FAM120A: variants seen among roughly 807,000 people sequenced by gnomAD.
FAM120A encodes the protein constitutive coactivator of PPAR-gamma-like protein 1.
In FAM120A, 15 loss-of-function variants were observed where a neutral mutation model predicts 109.7. That is an observed-to-expected ratio of 0.14 (90% CI 0.09 to 0.21). The LOEUF is 0.21. Ranked by LOEUF, FAM120A falls within the 10% of genes least tolerant of loss-of-function variation. The pLI is 1.00. For synonymous variants in FAM120A, 493 were observed against 572.8 expected (o/e 0.86, Z 1.99); for missense variants, 899 against 1,439.3 (o/e 0.62, Z 6.07).
Position 93,532,141 on chromosome 9 carries a change from T to C in FAM120A, c.1735-14T>C. 6.2e-7 allele frequency: 1 copy of C among 1,612,012 alleles called. No homozygotes were observed. Among genetic ancestry groups the C allele is most frequent in the Non-Finnish European group, 8.5e-7 (1 of 1,178,522 alleles). ...AAAAATGTGCAATGTTATTCTGCTT[T>C]CTTCCATGCAAAGGGTGAAATCAAA... is the stretch of plus-strand genomic sequence containing the variant. On this transcript the variant is annotated splice_polypyrimidine_tract_variant and intron_variant, in intron 9 of 17. Coordinates refer to ENST00000277165, the MANE Select transcript of FAM120A (RefSeq NM_014612.5). This position sits in a 1 kb window ranked among gnomAD's most constrained non-coding sequence, Gnocchi z 4.3.
chr9:93,525,833 T>G (rs1861057470), intron 7 of FAM120A, among the ~76,000 whole-genome samples: 1 of 152,170 alleles, frequency 6.6e-6, no homozygotes, highest in South Asian at 2.1e-4. Context: ...TGAGCAGTGG[T>G]TTCTCCAAGC....
intron 5 of FAM120A, among the ~76,000 whole-genome samples, chr9:93,507,871 A>G (rs1016806642): frequency 6.6e-6 from 1 of 152,286 alleles, no homozygotes; most frequent in Middle Eastern, 3.4e-3. Flanking sequence ...CAGTATAGAA[A>G]TTCGTAGAAG....
intron 5 of FAM120A, among the ~76,000 whole-genome samples, chr9:93,499,562 A>G (rs1859713664): frequency 6.6e-6 from 1 of 152,214 alleles, no homozygotes; most frequent in Non-Finnish European, 1.5e-5. Flanking sequence ...TGCTGGGATT[A>G]CAGGCATGAG....
At chr9:93,478,395 T>TA (rs1414435634) in intron 3 of FAM120A, among the ~76,000 whole-genome samples, 3 of 152,180 alleles carry the variant, frequency 2.0e-5, no homozygotes, top group African/African-American at 7.2e-5. Context: ...GATGACTTGA[T>TA]ACGTTGTAGG....
chr9:93,514,288 C>T (rs1263809609), intron 5 of FAM120A, among the ~76,000 whole-genome samples: 1 of 152,144 alleles, frequency 6.6e-6, no homozygotes, highest in African/African-American at 2.4e-5. Flanking sequence ...GTCTCTCTGC[C>T]TAGACACGTG....
At chr9:93,549,377 A>G (rs1242548428) in intron 11 of FAM120A, among the ~76,000 whole-genome samples, 4 of 152,204 alleles carry the variant, frequency 2.6e-5, no homozygotes, top group Non-Finnish European at 5.9e-5. Context: ...CAGAATTTCT[A>G]TAACAGTAGA....
chr9:93,555,642 T>C (rs1180308371), intron 12 of FAM120A, among the ~76,000 whole-genome samples: 2 of 152,214 alleles, frequency 1.3e-5, no homozygotes, highest in African/African-American at 2.4e-5. Context: ...TGTTTCTCAC[T>C]CTGCTTATCA....
chr9:93,497,733 C>T, intron 4 of FAM120A, 134 bp downstream of exon 4: 1 of 1,115,376 alleles, frequency 9.0e-7, no homozygotes, highest in Non-Finnish European at 1.2e-6. Context: ...CTTGCTCAGG[C>T]CACTGGAAGA....
In FAM120A at chr9:93,489,642, A is replaced by T. The variant is rs184715802; in HGVS notation, c.805-7829A>T. Among the ~76,000 whole-genome samples the T allele has an allele frequency of 2.3e-3, 352 of 152,356 alleles. 1 individual carries two copies. Among genetic ancestry groups the T allele is most frequent in the African/African-American group, 8.2e-3 (342 of 41,586 alleles). ...CATCTTTGGAGTGATGGTCACACTT[A>T]GCATTATTTGTGATTAATTGCATTT... On this transcript the variant is annotated intron_variant, in intron 3 of 17. Transcript: ENST00000277165.
chr9:93,476,847 A>T (rs1858571240), intron 3 of FAM120A, among the ~76,000 whole-genome samples: 1 of 152,116 alleles, frequency 6.6e-6, no homozygotes, highest in African/African-American at 2.4e-5. Flanking sequence ...CTCCCTTTTG[A>T]TTCCCTTCCT....
intron 5 of FAM120A, among the ~76,000 whole-genome samples, chr9:93,505,757 A>G (rs1052946535): frequency 2.6e-5 from 4 of 152,208 alleles, no homozygotes; most frequent in African/African-American, 9.7e-5. Context: ...TGTTTGTTTA[A>G]AGTGTTACAT....
At position 93,545,181 on chromosome 9, in the gene FAM120A, C is replaced by T. The variant is rs867755458; in HGVS notation, c.2159+1710C>T. Among the ~76,000 whole-genome samples the T allele has an allele frequency of 5.9e-5, 9 of 152,304 alleles. No individual in the cohort carries two copies. In the South Asian group the frequency reaches 1.0e-3, roughly 18 times the overall value. ...ATTTCTCCAAGCAGCCCCAGTTCTT[C>T]CAAGTGGGGGATGGCATTTAGAAGC... On this transcript the variant is annotated intron_variant, in intron 11 of 17. Coordinates refer to ENST00000277165, the MANE Select transcript of FAM120A (RefSeq NM_014612.5).
rs1378869469 is a variant in FAM120A, at chr9:93,532,649, A to T, written c.1909+320A>T. ...TCTCTGTAATTACCACGTCTTGGTA[A>T]TCAGGACGAGTGAGTTTCTGTGCTC... is the stretch of plus-strand genomic sequence containing the variant. On this transcript the variant is annotated intron_variant, in intron 10 of 17. Coordinates refer to ENST00000277165, the MANE Select transcript of FAM120A (RefSeq NM_014612.5). This position sits in a 1 kb window ranked among gnomAD's most constrained non-coding sequence, Gnocchi z 4.3. 2 of 331,630 alleles carry T rather than the reference A, an allele frequency of 6.0e-6. No homozygotes were observed. The highest frequency in any genetic ancestry group is 1.2e-5 in the Non-Finnish European group (2 of 172,684). 20.5% of individuals were successfully genotyped at this position (331,630 alleles called of 1,614,324 possible).
Position 93,537,255 on chromosome 9 carries a change from T to C in FAM120A, c.1909+4926T>C, listed in dbSNP as rs1007025281. ...TCTTGGTCGCTCCCAGTCACTGGGG[T>C]TCTTTCTTTCCAGGGGTCAGTGGGA... On this transcript the variant is annotated intron_variant, in intron 10 of 17. Coordinates refer to ENST00000277165, the MANE Select transcript of FAM120A (RefSeq NM_014612.5). Among the ~76,000 whole-genome samples, 54 of 152,158 alleles carry C rather than the reference T, an allele frequency of 3.5e-4. 1 individual carries two copies. The highest frequency in any genetic ancestry group is 3.2e-3 in the Admixed American group (49 of 15,276).
intron 9 of FAM120A, among the ~76,000 whole-genome samples, 169 bp from the exon 10 acceptor site, chr9:93,531,986 G>C (rs1374570169): frequency 6.6e-6 from 1 of 152,200 alleles, no homozygotes; most frequent in Non-Finnish European, 1.5e-5. Context: ...GCCACAGCCT[G>C]CCAAATGAAC....
intron 9 of FAM120A, chr9:93,530,253 T>G (rs1861275864): frequency 6.6e-6 from 1 of 152,490 alleles, no homozygotes; most frequent in East Asian, 1.9e-4. Context: ...TGTATTTAAA[T>G]TTCCTCAGTG....
chr9:93,557,868 C>A lies in FAM120A; in HGVS notation c.2526C>A (p.Val842=). 6.2e-7 allele frequency: 1 copy of A among 1,613,878 alleles called. No individual in the cohort carries two copies. The highest frequency in any genetic ancestry group is 8.5e-7 in the Non-Finnish European group (1 of 1,180,032). Residue 842 remains valine, a synonymous_variant, in exon 14 of 18, where the codon GTC becomes GTA. Transcript: ENST00000277165. ...AGGTAGAGAAGATGCGCCAGAGCGT[C>A]CTCGAGGGGCTCAGCTTCTCCAGGC... is the stretch of plus-strand genomic sequence containing the variant. ...AAKVEKMRQS[V]LEGLSFSRQS...
intron 12 of FAM120A, among the ~76,000 whole-genome samples, chr9:93,554,097 CCTT>C (rs1862197771): frequency 8.0e-6 from 1 of 125,670 alleles, no homozygotes; most frequent in South Asian, 2.7e-4. Flanking sequence ...AAAGTATAAT[CCTT>C]TAATGTTAAG....
chr9:93,531,130 T>C (rs1216803436), intron 9 of FAM120A: 1 of 152,236 alleles, frequency 6.6e-6, no homozygotes, highest in Admixed American at 6.5e-5. Flanking sequence ...GATGCATCTT[T>C]ATGGTAATGA....
Sources: gnomAD v4.1 joint callset for allele counts (sites outside exome capture counted in the v4.1 genomes callset) on GRCh38, gnomAD v4.1.1 for gene constraint, Gnocchi (gnomAD v3.1) non-coding constraint, MANE v1.5 for transcripts, NCBI Gene and HGNC (gene_info 2026-07-23, HGNC 2026-07-21) for gene names.